SLCO5A1: variants seen among roughly 807,000 people sequenced by gnomAD.
SLCO5A1 encodes the protein solute carrier organic anion transporter family member 5A1.
SLCO5A1 carries 39 observed loss-of-function variants against 65.1 expected under a neutral mutation model. The ratio of observed to expected loss-of-function variants is 0.60; its 90% CI spans 0.46 to 0.78. The LOEUF is 0.78. Ranked by LOEUF, SLCO5A1 falls within the 30% of genes least tolerant of loss-of-function variation. The pLI is 0.00. For synonymous variants in SLCO5A1, 438 were observed against 415.7 expected, an observed-to-expected ratio of 1.05 and a Z score of -0.65; for missense variants, 1,029 against 1,069.4, an observed-to-expected ratio of 0.96 and a Z score of 0.53.
At chr8:69,691,762 C>T (rs1029887998) in intron 6 of SLCO5A1, among the ~76,000 whole-genome samples, 5 of 152,158 alleles carry the variant, frequency 3.3e-5, no homozygotes, top group African/African-American at 1.2e-4. Flanking sequence ...GTGGTTTCAT[C>T]ACTGTACAAA....
In SLCO5A1 at chr8:69,672,592, T is replaced by A; in HGVS notation, c.*277A>T. On this transcript the variant is annotated 3_prime_UTR_variant, in exon 10 of 10. Coordinates refer to ENST00000260126, the MANE Select transcript of SLCO5A1 (RefSeq NM_030958.3). ...GTTTTGCTAACCGTGTACCTCAGCC[T>A]GTACCGTAGGGGAGCATGAGCTTTG... 1 of 430,754 alleles carries A rather than the reference T, an allele frequency of 2.3e-6. No individual in the cohort carries two copies. Among genetic ancestry groups the A allele is most frequent in the South Asian group, 3.7e-5 (1 of 27,224 alleles). 26.7% of individuals were successfully genotyped at this position (430,754 alleles called of 1,614,324 possible).
At chr8:69,833,759 CA>C (rs1055258719) in intron 1 of SLCO5A1, 18 of 152,224 alleles carry the variant, frequency 1.2e-4, no homozygotes, top group African/African-American at 4.3e-4. Context: ...AAGGCAGCAG[CA>C]AAAAGGTCAA....
Position 69,833,013 on chromosome 8 carries a change from C to CCGA in SLCO5A1, c.-341_-340insTCG, listed in dbSNP as rs1280169304. On this transcript the variant is annotated 5_prime_UTR_variant, in exon 2 of 10. Transcript: ENST00000260126. ...ATCCCCTCCGCCGCCGCCGCCGCCG[C>CCGA]CGCCGCTGGGCCCGCGGCCAGGAGC... is the stretch of plus-strand genomic sequence containing the variant. 1 of 318,586 alleles carries CCGA rather than the reference C, an allele frequency of 3.1e-6. No homozygotes were observed. Among genetic ancestry groups the CCGA allele is most frequent in the East Asian group, 7.8e-5 (1 of 12,812 alleles). The allele number at this position is 318,586 out of a possible 1,614,324, so 19.7% of individuals were successfully genotyped here. A position where few individuals can be genotyped will look rare whatever the true frequency, so the allele number is the denominator to read the frequency against.
chr8:69,687,645 G>T (rs1483534963), intron 6 of SLCO5A1, among the ~76,000 whole-genome samples: 1 of 151,924 alleles, frequency 6.6e-6, no homozygotes, highest in Non-Finnish European at 1.5e-5. Flanking sequence ...TTAAACTCAT[G>T]CATAGTGCTA....
In SLCO5A1 at chr8:69,669,904, T is replaced by G. The variant is rs1036138986; in HGVS notation, c.*2965A>C. 6.6e-6 allele frequency: 1 copy of G among 152,156 alleles called. No individual in the cohort carries two copies. The highest frequency in any genetic ancestry group is 1.5e-5 in the Non-Finnish European group (1 of 68,026). 9.4% of individuals were successfully genotyped at this position (152,156 alleles called of 1,614,324 possible). ...ATATTAAGTGCTTGTCAAAATGCTC[T>G]ACAAATCGTCAACACTCAACAAATG... is the stretch of plus-strand genomic sequence containing the variant. On this transcript the variant is annotated 3_prime_UTR_variant, in exon 10 of 10. Transcript: ENST00000260126.
chr8:69,699,036 G>A (rs545535572), intron 6 of SLCO5A1, among the ~76,000 whole-genome samples: 1 of 152,240 alleles, frequency 6.6e-6, no homozygotes, highest in African/African-American at 2.4e-5. Context: ...GAGAACTTAG[G>A]AAAACATATG....
chr8:69,784,843 G>GAAAA (rs1356325862), intron 2 of SLCO5A1, among the ~76,000 whole-genome samples: 7 of 127,560 alleles, frequency 5.5e-5, no homozygotes, highest in Non-Finnish European at 1.2e-4. Context: ...AAGAAAGAAA[G>GAAAA]AAAGAAAGAA....
At chr8:69,755,783 A>T in intron 3 of SLCO5A1, 142 bp from the exon 4 acceptor site, 1 of 664,830 alleles carries the variant, frequency 1.5e-6, no homozygotes, top group Non-Finnish European at 2.5e-6. Context: ...AGTTGAGCAA[A>T]CTAAGAAAAT....
Position 69,723,548 on chromosome 8 carries a change from T to C in SLCO5A1, c.1423+14492A>G, listed in dbSNP as rs536208827. On this transcript the variant is annotated intron_variant, in intron 5 of 9. Transcript: ENST00000260126. ...TTACAAACATGAGCCACCATGCCCA[T>C]CCCAAGTTAACATCTTTCTCAAAAT... 3.3e-5 allele frequency among the ~76,000 whole-genome samples: 5 copies of C among 151,946 alleles called. No homozygotes were observed. The South Asian group carries it at 1.0e-3, about 32-fold the overall frequency.
intron 3 of SLCO5A1, among the ~76,000 whole-genome samples, chr8:69,756,650 T>G (rs1451251714): frequency 6.6e-6 from 1 of 152,210 alleles, no homozygotes. Context: ...GAAATTAATG[T>G]GTATCGGAAA....
rs542421818 is a variant in SLCO5A1, at chr8:69,771,848, A to G, written c.908-9973T>C. On this transcript the variant is annotated intron_variant, in intron 2 of 9. Transcript: ENST00000260126. Reference sequence around the variant, plus strand: ...CCATGCTTGCTCTCTCACATTATCCAGTAATGAGAAATGTGAGTTCTAATT... The same window carrying G: ...CCATGCTTGCTCTCTCACATTATCCGGTAATGAGAAATGTGAGTTCTAATT... 3.9e-5 allele frequency among the ~76,000 whole-genome samples: 6 copies of G among 152,364 alleles called. No individual in the cohort carries two copies. In the South Asian group the frequency reaches 6.2e-4, roughly 16 times the overall value.
chr8:69,675,722 C>T (rs555745783), intron 9 of SLCO5A1, among the ~76,000 whole-genome samples: 1 of 152,190 alleles, frequency 6.6e-6, no homozygotes, highest in African/African-American at 2.4e-5. Context: ...AGAAGATGCC[C>T]TTTTTAAACA....
intron 3 of SLCO5A1, among the ~76,000 whole-genome samples, chr8:69,756,841 T>C (rs1240260432): frequency 1.3e-5 from 2 of 152,320 alleles, no homozygotes; most frequent in Admixed American, 1.3e-4. Flanking sequence ...TCAGTTCCCT[T>C]TCAACATTTC....
intron 2 of SLCO5A1, among the ~76,000 whole-genome samples, chr8:69,807,943 T>C (rs1414893945): frequency 6.6e-6 from 1 of 152,176 alleles, no homozygotes; most frequent in African/African-American, 2.4e-5. Context: ...GACCTGGTGA[T>C]CCGCCTGCCT....
intron 5 of SLCO5A1, among the ~76,000 whole-genome samples, chr8:69,710,376 T>C (rs186203208): frequency 3.3e-5 from 5 of 152,064 alleles, no homozygotes; most frequent in Non-Finnish European, 7.4e-5. Flanking sequence ...GCCTGCTCTA[T>C]AGTGCACAGC....
rs144396521 is a variant in SLCO5A1 at position 69,755,468 on chromosome 8, G to T, written c.1214C>A (p.Ala405Glu). 6.2e-7 allele frequency: 1 copy of T among 1,613,874 alleles called. No homozygotes were observed. The highest frequency in any genetic ancestry group is 8.5e-7 in the Non-Finnish European group (1 of 1,179,946). The stretch of plus-strand genomic sequence containing the variant: ...TCCCATCGAAGAAACTTTTTTGTCC[G>T]CTTGTTCACTGTTGTTTGATTTCTC... Reference protein sequence around the residue: ...LKEKSNNSEQADKKVSSMGFG... With the variant: ...LKEKSNNSEQEDKKVSSMGFG... The change falls in exon 4 of 10, where the codon GCG becomes GAG. Residue 405 changes from alanine (A) to glutamate (E), a missense_variant. By Grantham distance (107) the Ala-to-Glu change is moderately radical (BLOSUM62 -1). Transcript: ENST00000260126.
chr8:69,704,427 A>C (rs1814880538), intron 6 of SLCO5A1, among the ~76,000 whole-genome samples: 1 of 152,246 alleles, frequency 6.6e-6, no homozygotes, highest in Non-Finnish European at 1.5e-5. Context: ...TACTACCAGT[A>C]CTGAAAGATC....
chr8:69,749,713 G>A (rs1277627722), intron 4 of SLCO5A1, among the ~76,000 whole-genome samples: 2 of 150,416 alleles, frequency 1.3e-5, no homozygotes, highest in Admixed American at 6.7e-5. Context: ...ACTAGGTGGT[G>A]TAAACTTAGC....
chr8:69,691,776 C>G (rs1814269863), intron 6 of SLCO5A1, among the ~76,000 whole-genome samples: 1 of 152,166 alleles, frequency 6.6e-6, no homozygotes, highest in Non-Finnish European at 1.5e-5. Context: ...GTACAAATGT[C>G]ATAGAATGCA....
Sources: gnomAD v4.1 joint callset for allele counts (sites outside exome capture counted in the v4.1 genomes callset) on GRCh38, gnomAD v4.1.1 for gene constraint, MANE v1.5 for transcripts, NCBI Gene and HGNC (gene_info 2026-07-23, HGNC 2026-07-21) for gene names.